The following SH3TC2 variants were observed in gnomAD, a reference collection of about 807,000 sequenced individuals.
SH3TC2 encodes SH3 domain and tetratricopeptide repeat-containing protein 2.
In SH3TC2, 87 loss-of-function variants were observed where a neutral mutation model predicts 124.5. The ratio of observed to expected loss-of-function variants is 0.70; its 90% CI spans 0.59 to 0.84. The LOEUF is 0.84. Among genes scored for constraint, SH3TC2 ranks in the 40% least tolerant of loss-of-function variants. The probability of loss-of-function intolerance (pLI) is 0.00; values close to 1 mark genes in which losing one functional copy is unlikely to be tolerated. For synonymous variants in SH3TC2, 634 were observed against 628.5 expected (o/e 1.01, Z -0.13); for missense variants, 1,536 against 1,566.4 (o/e 0.98, Z 0.33).
chr5:149,011,957 AT>A (rs771750338), intron 13 of SH3TC2, among the ~76,000 whole-genome samples: 1 of 152,208 alleles, frequency 6.6e-6, no homozygotes, highest in Non-Finnish European at 1.5e-5. Context: ...CAAGTGAGAT[AT>A]ATAATTTTTG....
At chr5:149,030,140 G>A (rs986409259) in intron 9 of SH3TC2, among the ~76,000 whole-genome samples, 30 of 152,170 alleles carry the variant, frequency 2.0e-4, no homozygotes, top group African/African-American at 7.0e-4. Flanking sequence ...AGGGGTACAC[G>A]CCCCTCTTGG....
At chr5:149,023,727 C>T (rs527918662) in intron 12 of SH3TC2, among the ~76,000 whole-genome samples, 1 of 152,010 alleles carries the variant, frequency 6.6e-6, no homozygotes, top group Non-Finnish European at 1.5e-5. Context: ...GGATTACAGG[C>T]ACCCACCACC....
chr5:149,049,227 C>G (rs36083), intron 2 of SH3TC2, among the ~76,000 whole-genome samples: 1 of 152,140 alleles, frequency 6.6e-6, no homozygotes, highest in Admixed American at 6.5e-5. Context: ...CAATCTCATG[C>G]AACCCCTTTC....
chr5:149,022,088 G>T (rs1314573866), intron 12 of SH3TC2, among the ~76,000 whole-genome samples: 1 of 151,788 alleles, frequency 6.6e-6, no homozygotes, highest in Non-Finnish European at 1.5e-5. Context: ...CTCTATGAGG[G>T]ATCAAGAAGT....
chr5:148,997,249 T>C lies in SH3TC2; in HGVS notation c.*7462A>G, dbSNP rs1753526099. Reference sequence around the variant, plus strand: ...GCTGCTTCCCTTCCTCAGATGTCCATAGTCTTCTACGATTGGCTCTGGAGT... The same window carrying C: ...GCTGCTTCCCTTCCTCAGATGTCCACAGTCTTCTACGATTGGCTCTGGAGT... On this transcript the variant is annotated 3_prime_UTR_variant, in exon 17 of 17. Coordinates refer to ENST00000515425, the MANE Select transcript of SH3TC2 (RefSeq NM_024577.4). 6.6e-6 allele frequency among the ~76,000 whole-genome samples: 1 copy of C among 152,210 alleles called. No homozygotes were observed. The highest frequency in any genetic ancestry group is 1.5e-5 in the Non-Finnish European group (1 of 68,020).
chr5:149,028,829 C>A (rs544868533), intron 9 of SH3TC2, 111 bp from the exon 10 acceptor site: 1 of 1,063,638 alleles, frequency 9.4e-7, no homozygotes, highest in South Asian at 1.3e-5. Flanking sequence ...GCATTCAAGA[C>A]CTTCAGTCAT....
intron 9 of SH3TC2, among the ~76,000 whole-genome samples, chr5:149,029,120 C>T (rs916472382): frequency 2.0e-5 from 3 of 152,194 alleles, no homozygotes. Context: ...CAGGACACAA[C>T]TCCCAGCACA....
chr5:148,996,494 T>C lies in SH3TC2; in HGVS notation c.*8217A>G, dbSNP rs768467653. 9.9e-5 allele frequency among the ~76,000 whole-genome samples: 15 copies of C among 152,264 alleles called. No homozygotes were observed. Among genetic ancestry groups the C allele is most frequent in the South Asian group, 4.1e-4 (2 of 4,824 alleles). On this transcript the variant is annotated 3_prime_UTR_variant, in exon 17 of 17. Coordinates refer to ENST00000515425, the MANE Select transcript of SH3TC2 (RefSeq NM_024577.4). Reference sequence around the variant, plus strand: ...TACATGTTCTAGAACAGACAAAAGTTAGTTTTGTTTTGTTTTATGAATAAG... The same window carrying C: ...TACATGTTCTAGAACAGACAAAAGTCAGTTTTGTTTTGTTTTATGAATAAG...
At chr5:149,049,307 G>A (rs903567466) in intron 2 of SH3TC2, among the ~76,000 whole-genome samples, 1 of 152,184 alleles carries the variant, frequency 6.6e-6, no homozygotes, top group Non-Finnish European at 1.5e-5. Flanking sequence ...CTAGGAGGAG[G>A]CACAGTGCAA....
At chr5:149,051,714 A>G (rs1754560278) in intron 2 of SH3TC2, among the ~76,000 whole-genome samples, 1 of 152,176 alleles carries the variant, frequency 6.6e-6, no homozygotes. Context: ...TCAGCTTCCC[A>G]AAGTGCTGGG....
In SH3TC2 at chr5:149,004,365, C is replaced by T; in HGVS notation, c.*346G>A. ...TTTGCACCAGTGCAGTGACTGATTT[C>T]CTCATTGGGGGAGGAAGGAAGGCTC... On this transcript the variant is annotated 3_prime_UTR_variant, in exon 17 of 17. Coordinates refer to ENST00000515425, the MANE Select transcript of SH3TC2 (RefSeq NM_024577.4). The T allele has an allele frequency of 3.5e-6, 1 of 288,464 alleles. No individual in the cohort carries two copies. Among genetic ancestry groups the T allele is most frequent in the Non-Finnish European group, 6.6e-6 (1 of 152,394 alleles). The allele number at this position is 288,464 out of a possible 1,614,324, so 17.9% of individuals were successfully genotyped here.
chr5:149,032,260 T>C (rs1225168012), intron 8 of SH3TC2, among the ~76,000 whole-genome samples: 1 of 152,120 alleles, frequency 6.6e-6, no homozygotes, highest in Non-Finnish European at 1.5e-5. Flanking sequence ...TTGGAATCGC[T>C]AAGGGAAAGA....
Position 148,993,631 on chromosome 5 carries a change from A to C in SH3TC2, c.*11080T>G, listed in dbSNP as rs1265795359. 6.6e-6 allele frequency among the ~76,000 whole-genome samples: 1 copy of C among 152,192 alleles called. No individual in the cohort carries two copies. Among genetic ancestry groups the C allele is most frequent in the Non-Finnish European group, 1.5e-5 (1 of 68,034 alleles). ...CTGCCAGACTAAACATAGGTTCAAA[A>C]TGACAGTTCCAATAAAGGGAGGTCA... On this transcript the variant is annotated 3_prime_UTR_variant, in exon 17 of 17. Coordinates refer to ENST00000515425, the MANE Select transcript of SH3TC2 (RefSeq NM_024577.4).
rs771873751 is a variant in SH3TC2, at chr5:149,028,113, C to T, written c.1619G>A (p.Arg540Lys). 6 of 1,614,112 alleles carry T rather than the reference C, an allele frequency of 3.7e-6. No individual in the cohort carries two copies. Among genetic ancestry groups the T allele is most frequent in the Admixed American group, 3.3e-5 (2 of 60,032 alleles). The change falls in exon 11 of 17, where the codon AGG becomes AAG. Residue 540 changes from arginine (R) to lysine (K), a missense_variant. Physicochemically the swap from Arg to Lys is conservative, Grantham distance 26. This residue lies in a region of SH3TC2 where 1,102 missense variants were observed against 1,098.6 expected (regional missense o/e 1.00). Coordinates refer to ENST00000515425, the MANE Select transcript of SH3TC2 (RefSeq NM_024577.4). Reference sequence around the variant, plus strand: ...CCTGGCCTGAGAGAGTTTGACCTTCCTGATGCTCAGCCGGCCCAGGAGGAA... The same window carrying T: ...CCTGGCCTGAGAGAGTTTGACCTTCTTGATGCTCAGCCGGCCCAGGAGGAA... The part of the protein sequence containing the change: ...LCFLLGRLSI[R>K]KVKLSQARVY...
intron 12 of SH3TC2, among the ~76,000 whole-genome samples, chr5:149,014,889 G>T (rs1358746126): frequency 6.6e-6 from 1 of 152,194 alleles, no homozygotes; most frequent in East Asian, 1.9e-4. Flanking sequence ...AGCAGTTGAT[G>T]AAGACAAGAC....
chr5:149,030,882 C>G (rs890972816), intron 9 of SH3TC2, among the ~76,000 whole-genome samples: 4 of 152,212 alleles, frequency 2.6e-5, no homozygotes, highest in African/African-American at 7.2e-5. Context: ...TGACACACAA[C>G]AGTAGGCCTT....
In SH3TC2 at chr5:149,008,891, CA is replaced by C; in HGVS notation, c.3437del (p.Leu1146TrpfsTer45). The C allele has an allele frequency of 6.2e-7, 1 of 1,614,190 alleles. No homozygotes were observed. Among genetic ancestry groups the C allele is most frequent in the Non-Finnish European group, 8.5e-7 (1 of 1,180,050 alleles). On this transcript the variant is annotated frameshift_variant, in exon 15 of 17. Transcript: ENST00000515425. LOFTEE classifies it high-confidence loss of function. ...QISLEGYEKA[L>X]EFATLAARLS... is the part of the protein sequence containing the mutation. Reference sequence around the variant, plus strand: ...GCCTGGCGGCCAGGGTGGCAAATTCCAAAGCCTTCTCATAGCCTTCGAGGCT... The same window carrying C: ...GCCTGGCGGCCAGGGTGGCAAATTCCAAGCCTTCTCATAGCCTTCGAGGCT...
intron 12 of SH3TC2, among the ~76,000 whole-genome samples, chr5:149,024,351 A>C (rs1050032136): frequency 6.6e-6 from 1 of 152,182 alleles, no homozygotes; most frequent in Non-Finnish European, 1.5e-5. Flanking sequence ...GCTAGACATA[A>C]TGTCTGCCCA....
chr5:148,998,299 G>C lies in SH3TC2; in HGVS notation c.*6412C>G, dbSNP rs1258197490. ...ACAGCCACTACCCTAGTCTGATTCA[G>C]AACTATTAATATTAAATACGTTCTT... is the stretch of plus-strand genomic sequence containing the variant. On this transcript the variant is annotated 3_prime_UTR_variant, in exon 17 of 17. Transcript: ENST00000515425. Among the ~76,000 whole-genome samples the C allele has an allele frequency of 2.0e-5, 3 of 152,140 alleles. No individual in the cohort carries two copies. The highest frequency in any genetic ancestry group is 4.4e-5 in the Non-Finnish European group (3 of 68,026).
Sources: gnomAD v4.1 joint callset for allele counts (sites outside exome capture counted in the v4.1 genomes callset) on GRCh38, gnomAD v4.1.1 for gene constraint, gnomAD v4.1.1 regional missense constraint, MANE v1.5 for transcripts, NCBI Gene and HGNC (gene_info 2026-07-23, HGNC 2026-07-21) for gene names.